ADAM12: variants seen among roughly 807,000 people sequenced by gnomAD.
ADAM12 encodes the protein ADAM metallopeptidase domain 12.
Under a neutral mutation model 106.4 loss-of-function variants are expected in ADAM12, and 70 were observed. That is an observed-to-expected ratio of 0.66 (90% CI 0.54 to 0.80). The LOEUF (loss-of-function observed/expected upper bound fraction) is 0.80. Among genes scored for constraint, ADAM12 ranks in the 30% least tolerant of loss-of-function variants. ADAM12 has a pLI of 0.00. For synonymous variants in ADAM12, 420 were observed against 433.5 expected (o/e 0.97, Z 0.39); for missense variants, 1,010 against 1,171.9 (o/e 0.86, Z 2.02).
intron 3 of ADAM12, among the ~76,000 whole-genome samples, chr10:126,240,696 A>G (rs1157290404): frequency 2.0e-5 from 3 of 152,174 alleles, no homozygotes; most frequent in African/African-American, 7.2e-5. Context: ...GGTGAAAGAG[A>G]CCACGTGCTT....
intron 3 of ADAM12, among the ~76,000 whole-genome samples, chr10:126,183,931 TAATA>T (rs1171757031): frequency 7.9e-5 from 12 of 152,246 alleles, no homozygotes; most frequent in Non-Finnish European, 1.6e-4. Context: ...AGTCCACACT[TAATA>T]AATGTTTATG....
At chr10:126,205,089 T>C (rs771981643) in intron 3 of ADAM12, among the ~76,000 whole-genome samples, 16 of 152,222 alleles carry the variant, frequency 1.1e-4, no homozygotes, top group Middle Eastern at 6.8e-3. Context: ...GTTCCATAGC[T>C]AATACTGTGT....
chr10:126,361,599 A>G (rs371572284), intron 1 of ADAM12, among the ~76,000 whole-genome samples: 2 of 152,288 alleles, frequency 1.3e-5, no homozygotes, highest in South Asian at 2.1e-4. Flanking sequence ...ACATCAACCA[A>G]TGGAATAGAA....
At chr10:126,357,487 A>G (rs2133896656) in intron 1 of ADAM12, among the ~76,000 whole-genome samples, 1 of 152,324 alleles carries the variant, frequency 6.6e-6, no homozygotes, top group South Asian at 2.1e-4. Context: ...TGGCTTTTCT[A>G]ATACAGAACC....
intron 2 of ADAM12, among the ~76,000 whole-genome samples, chr10:126,314,458 A>G (rs1030247951): frequency 2.0e-5 from 3 of 152,180 alleles, no homozygotes; most frequent in Admixed American, 2.0e-4. Context: ...CATCACCTCA[A>G]TGGGGCCACA....
chr10:126,067,446 C>T (rs1012404505), intron 12 of ADAM12, among the ~76,000 whole-genome samples: 2 of 151,986 alleles, frequency 1.3e-5, no homozygotes, highest in African/African-American at 4.8e-5. Flanking sequence ...CATTGATTTG[C>T]GAGGGATTTA....
chr10:126,047,181 G>A (rs898607877), intron 16 of ADAM12, among the ~76,000 whole-genome samples: 1 of 152,168 alleles, frequency 6.6e-6, no homozygotes, highest in Non-Finnish European at 1.5e-5. Flanking sequence ...CAAATCCGTG[G>A]AGTCAAAGGA....
At chr10:126,147,374 C>T (rs1228623609) in intron 4 of ADAM12, among the ~76,000 whole-genome samples, 4 of 152,146 alleles carry the variant, frequency 2.6e-5, no homozygotes, top group Non-Finnish European at 1.5e-5. Flanking sequence ...CCTCCTGTTC[C>T]CTCTGACTAC....
intron 11 of ADAM12, among the ~76,000 whole-genome samples, chr10:126,088,920 G>C (rs995973480): frequency 5.3e-5 from 8 of 152,162 alleles, no homozygotes; most frequent in Non-Finnish European, 1.0e-4. Flanking sequence ...CATTTGATCT[G>C]GGTGTAGATT....
At chr10:126,279,022 C>T (rs753644054) in intron 2 of ADAM12, 34 bp from the exon 3 acceptor site, 33 of 1,556,930 alleles carry the variant, frequency 2.1e-5, no homozygotes, top group African/African-American at 4.1e-5. Flanking sequence ...AGTTGAAAAA[C>T]GCTTGGCTTT....
chr10:126,203,427 T>G (rs1378856948), intron 3 of ADAM12, among the ~76,000 whole-genome samples: 1 of 152,196 alleles, frequency 6.6e-6, no homozygotes, highest in Non-Finnish European at 1.5e-5. Flanking sequence ...GCAAGTATAG[T>G]GAAATTCCTG....
At chr10:126,166,793 T>A (rs1838761196) in intron 3 of ADAM12, among the ~76,000 whole-genome samples, 1 of 152,146 alleles carries the variant, frequency 6.6e-6, no homozygotes, top group South Asian at 2.1e-4. Context: ...TCAGGCTGTT[T>A]TTAATGTGTC....
intron 4 of ADAM12, among the ~76,000 whole-genome samples, chr10:126,143,668 A>G (rs1311442405): frequency 6.6e-6 from 1 of 150,668 alleles, no homozygotes; most frequent in Non-Finnish European, 1.5e-5. Flanking sequence ...GCATATGTGT[A>G]TATGTATGTG....
At chr10:126,298,490 A>G (rs1960476137) in intron 2 of ADAM12, among the ~76,000 whole-genome samples, 1 of 152,202 alleles carries the variant, frequency 6.6e-6, no homozygotes, top group Non-Finnish European at 1.5e-5. Flanking sequence ...ACAAAAGCAT[A>G]AAGAGATAAA....
chr10:126,147,146 T>G (rs886634272), intron 4 of ADAM12, among the ~76,000 whole-genome samples: 1 of 152,256 alleles, frequency 6.6e-6, no homozygotes, highest in African/African-American at 2.4e-5. Flanking sequence ...TGGTCTCCTT[T>G]GAAACTATCA....
In ADAM12 at chr10:126,064,868, C is replaced by T; in HGVS notation, c.1547G>A (p.Gly516Asp). 1 of 1,612,510 alleles carries T rather than the reference C, an allele frequency of 6.2e-7. No homozygotes were observed. Among genetic ancestry groups the T allele is most frequent in the Non-Finnish European group, 8.5e-7 (1 of 1,179,408 alleles). Residue 516 changes from glycine to aspartate, a missense_variant, in exon 14 of 23, where the codon GGC (glycine) becomes GAC (aspartate). Physicochemically the swap from Gly to Asp is moderately conservative, Grantham distance 94. Around this residue, in one of 3 missense-constraint regions of ADAM12, gnomAD observed 615 missense variants for 708.5 expected, o/e 0.87. Transcript: ENST00000448723. The surrounding 1 kb of genome is among the most constrained non-coding windows in gnomAD (Gnocchi z 4.4). ...HDGHSCQDVD[G>D]YCYNGICQTH... is the part of the protein sequence containing the mutation. ...CTGGCAGATGCCATTGTAGCAGTAG[C>T]CGTCCACATCCTGACATGAGTGCCC...
intron 3 of ADAM12, among the ~76,000 whole-genome samples, chr10:126,254,484 A>G (rs1333043439): frequency 2.0e-5 from 3 of 152,184 alleles, no homozygotes; most frequent in Non-Finnish European, 4.4e-5. Context: ...CCTTCTCAGG[A>G]TGCAGTCTTG....
intron 14 of ADAM12, among the ~76,000 whole-genome samples, chr10:126,059,213 A>G (rs981075969): frequency 1.3e-5 from 2 of 152,164 alleles, no homozygotes; most frequent in African/African-American, 4.8e-5. Flanking sequence ...AATTAAGCCC[A>G]CAGTTTACTC....
At chr10:126,387,892 G>GC (rs1272521470) in intron 1 of ADAM12, among the ~76,000 whole-genome samples, 166 bp downstream of exon 1, 25 of 129,610 alleles carry the variant, frequency 1.9e-4, no homozygotes, top group African/African-American at 5.8e-4. Context: ...TGGCACCTGG[G>GC]GGGGGGGGGT....
Sources: allele counts gnomAD v4.1 joint callset (sites outside exome capture counted in the v4.1 genomes callset), GRCh38; gene constraint gnomAD v4.1.1; regional missense constraint gnomAD v4.1.1; non-coding constraint Gnocchi (gnomAD v3.1); transcripts MANE v1.5; gene names NCBI Gene and HGNC (gene_info 2026-07-23, HGNC 2026-07-21).